The following CFAP61 variants were observed in gnomAD, a reference collection of about 807,000 sequenced individuals.
The protein encoded by CFAP61 is cilia- and flagella-associated protein 61.
Under a neutral mutation model 135.6 loss-of-function variants are expected in CFAP61, and 107 were observed. That is an observed-to-expected ratio of 0.79 (90% CI 0.67 to 0.93). The LOEUF (loss-of-function observed/expected upper bound fraction) is 0.93, where lower values mean the gene tolerates loss of function less well. Ranked by LOEUF, CFAP61 falls within the 40% of genes least tolerant of loss-of-function variation. The probability of loss-of-function intolerance (pLI) is 0.00; values close to 1 mark genes in which losing one functional copy is unlikely to be tolerated. For missense variants in CFAP61, 1,507 were observed against 1,556.2 expected, an observed-to-expected ratio of 0.97 and a Z score of 0.53; for synonymous variants, 575 against 578.5, an observed-to-expected ratio of 0.99 and a Z score of 0.09.
chr20:20,074,939 A>G (rs1482956053), intron 4 of CFAP61, among the ~76,000 whole-genome samples: 1 of 152,186 alleles, frequency 6.6e-6, no homozygotes, highest in Non-Finnish European at 1.5e-5. Context: ...TGCCATATGA[A>G]CATGGCACCC....
At chr20:20,110,155 G>C (rs1470945469) in intron 8 of CFAP61, among the ~76,000 whole-genome samples, 6 of 152,014 alleles carry the variant, frequency 3.9e-5, no homozygotes, top group Non-Finnish European at 8.8e-5. Context: ...TGATCCACTT[G>C]CCTAGGCTTC....
chr20:20,294,381 C>T (rs2055236178), intron 24 of CFAP61, among the ~76,000 whole-genome samples: 1 of 152,242 alleles, frequency 6.6e-6, no homozygotes, highest in Non-Finnish European at 1.5e-5. Flanking sequence ...ATGAATACAA[C>T]ATATTTTGAT....
rs1384160372 is a variant in CFAP61, at chr20:20,328,025, G to A, written c.3423-13806G>A. On this transcript the variant is annotated intron_variant, in intron 25 of 26. Transcript: ENST00000245957. ...TCTTCTCTCCAGTCAGAATCCATGC[G>A]GAAGCGCCAGCTGTGGTTGTGCAGG... Among the ~76,000 whole-genome samples the A allele has an allele frequency of 3.3e-5, 5 of 152,264 alleles. No homozygotes were observed. In the South Asian group the frequency reaches 6.2e-4, roughly 19 times the overall value.
chr20:20,175,131 AAGTG>A (rs1365433168), intron 13 of CFAP61, among the ~76,000 whole-genome samples: 1 of 152,180 alleles, frequency 6.6e-6, no homozygotes, highest in African/African-American at 2.4e-5. Context: ...GGCTTTTAGA[AAGTG>A]AGGCTTTACA....
At chr20:20,177,805 G>T (rs1372526786) in intron 13 of CFAP61, among the ~76,000 whole-genome samples, 1 of 31,452 alleles carries the variant, frequency 3.2e-5, no homozygotes, top group Non-Finnish European at 9.2e-5. Context: ...CTGAGTGGGA[G>T]AGGGGCTGCC....
chr20:20,291,595 C>A (rs894886714), intron 24 of CFAP61, among the ~76,000 whole-genome samples: 1 of 152,194 alleles, frequency 6.6e-6, no homozygotes, highest in Non-Finnish European at 1.5e-5. Context: ...CATTTTGAGG[C>A]AACCTGTGAT....
rs2059381015 is a variant in CFAP61 at position 20,359,117 on chromosome 20, T to G, written c.3514-1093T>G. On this transcript the variant is annotated intron_variant, in intron 26 of 26. Transcript: ENST00000245957. This position sits in a 1 kb window ranked among gnomAD's most constrained non-coding sequence, Gnocchi z 4.0. Reference sequence around the variant, plus strand: ...TTCTTCAACTTGTCTCTGAAAATTTTTATAATGAAATGTTAGGAAAATCTC... The same window carrying G: ...TTCTTCAACTTGTCTCTGAAAATTTGTATAATGAAATGTTAGGAAAATCTC... Among the ~76,000 whole-genome samples the G allele has an allele frequency of 2.0e-5, 3 of 152,244 alleles. No individual in the cohort carries two copies.
intron 13 of CFAP61, among the ~76,000 whole-genome samples, chr20:20,176,096 A>G (rs2054607490): frequency 6.6e-6 from 1 of 150,852 alleles, no homozygotes; most frequent in African/African-American, 2.5e-5. Flanking sequence ...AACAAACATG[A>G]AAAAAAGCTC....
intron 20 of CFAP61, among the ~76,000 whole-genome samples, chr20:20,257,262 A>T (rs2051687714): frequency 6.6e-6 from 1 of 152,170 alleles, no homozygotes; most frequent in Non-Finnish European, 1.5e-5. Flanking sequence ...CCTCAGAAAA[A>T]ATTATCTTCC....
intron 1 of CFAP61, chr20:20,056,175 C>CA: frequency 1.7e-6 from 1 of 589,350 alleles, no homozygotes. Context: ...TTTTTGGTCT[C>CA]AAAATATGTC....
chr20:20,247,375 G>A (rs577758810), intron 19 of CFAP61, among the ~76,000 whole-genome samples: 5 of 152,210 alleles, frequency 3.3e-5, no homozygotes, highest in East Asian at 1.9e-4. Context: ...CAGGTGTGAC[G>A]CTGCGTGGGC....
At chr20:20,348,689 C>CAAA (rs71198052) in intron 26 of CFAP61, among the ~76,000 whole-genome samples, 967 of 53,248 alleles carry the variant, frequency 0.018, 67 homozygotes, top group African/African-American at 0.05. Flanking sequence ...GACTCCGTAT[C>CAAA]AAAAAAAAAA....
chr20:20,248,133 G>C (rs761041879), intron 19 of CFAP61, among the ~76,000 whole-genome samples: 1 of 152,140 alleles, frequency 6.6e-6, no homozygotes, highest in Non-Finnish European at 1.5e-5. Context: ...AAATAATGTG[G>C]AACAGAGGAA....
chr20:20,175,325 C>T (rs2054527716), intron 13 of CFAP61, among the ~76,000 whole-genome samples: 1 of 152,064 alleles, frequency 6.6e-6, no homozygotes. Context: ...CAAGTGTGGT[C>T]CAGGGATCGG....
chr20:20,246,816 G>A (rs903463095), intron 19 of CFAP61, among the ~76,000 whole-genome samples: 1 of 152,156 alleles, frequency 6.6e-6, no homozygotes, highest in African/African-American at 2.4e-5. Flanking sequence ...TTCCAATAAG[G>A]AGGAAGGAAA....
intron 17 of CFAP61, among the ~76,000 whole-genome samples, chr20:20,212,051 TCA>T (rs1467642692): frequency 6.6e-6 from 1 of 152,196 alleles, no homozygotes; most frequent in Non-Finnish European, 1.5e-5. Context: ...GAATTATATA[TCA>T]CAAGTCTTTT....
intron 3 of CFAP61, chr20:20,073,921 C>T (rs111758573): frequency 2.7e-5 from 5 of 186,272 alleles, no homozygotes; most frequent in South Asian, 1.3e-4. Context: ...GACTCAAGAG[C>T]GCCGGGAAAA....
intron 26 of CFAP61, among the ~76,000 whole-genome samples, chr20:20,356,110 TCACACTGAGGGGA>T: frequency 7.9e-5 from 1 of 12,594 alleles, no homozygotes; most frequent in Non-Finnish European, 1.2e-3. Flanking sequence ...GGGGAGGTGG[TCACACTGAGGGGA>T]GGTAGTCACA....
rs745886634 is a variant in CFAP61 at position 20,169,276 on chromosome 20, A to AT, written c.1246-37dup. 399 of 1,543,704 alleles carry AT rather than the reference A, an allele frequency of 2.6e-4. 3 individuals are homozygous for AT. In the East Asian group the frequency reaches 6.0e-3, roughly 23 times the overall value. On this transcript the variant is annotated intron_variant, in intron 12 of 26. Transcript: ENST00000245957. ...TTTAGAGGAATTTGTTTTTTGATTA[A>AT]TTTTTTTTATTCTTTCTCTGTGTCC... is the stretch of plus-strand genomic sequence containing the variant.
Sources: allele counts gnomAD v4.1 joint callset (sites outside exome capture counted in the v4.1 genomes callset), GRCh38; gene constraint gnomAD v4.1.1; non-coding constraint Gnocchi (gnomAD v3.1); transcripts MANE v1.5; gene names NCBI Gene and HGNC (gene_info 2026-07-23, HGNC 2026-07-21).